The following KMT2C variants were observed in gnomAD, a reference collection of about 807,000 sequenced individuals.
KMT2C encodes histone-lysine N-methyltransferase 2C.
In KMT2C, 88 loss-of-function variants were observed where a neutral mutation model predicts 507.9. The ratio of observed to expected loss-of-function variants is 0.17; its 90% confidence interval spans 0.15 to 0.21. KMT2C has a LOEUF of 0.21. KMT2C is among the 10% of genes least tolerant of loss of function. The pLI is 1.00. For missense variants in KMT2C, 4,954 were observed against 5,957.8 expected (o/e 0.83, Z 5.55); for synonymous variants, 2,049 against 2,080.8 (o/e 0.98, Z 0.42).
At chr7:152,243,969 A>T (rs2095428551) in intron 14 of KMT2C, among the ~76,000 whole-genome samples, 1 of 152,232 alleles carries the variant, frequency 6.6e-6, no homozygotes, top group Non-Finnish European at 1.5e-5. Flanking sequence ...TGATACATAC[A>T]GGGTAAATAA....
At chr7:152,356,154 C>G (rs1000878076) in intron 2 of KMT2C, among the ~76,000 whole-genome samples, 2 of 152,136 alleles carry the variant, frequency 1.3e-5, no homozygotes, top group African/African-American at 4.8e-5. Context: ...TATGGAACTT[C>G]TTTTCTAATT....
chr7:152,413,199 C>T (rs2078659), intron 1 of KMT2C, among the ~76,000 whole-genome samples: 1 of 152,136 alleles, frequency 6.6e-6, no homozygotes. Flanking sequence ...ACTGCAGCCT[C>T]GACCTCCTGG....
chr7:152,252,765 A>G, intron 9 of KMT2C, 50 bp from the exon 10 acceptor site: 1 of 1,356,068 alleles, frequency 7.4e-7, no homozygotes, highest in Non-Finnish European at 1.0e-6. Flanking sequence ...TGCATTTGTA[A>G]TTGTAGTTCT....
At chr7:152,434,839 G>A (rs562023614) in intron 1 of KMT2C, among the ~76,000 whole-genome samples, 1 of 152,286 alleles carries the variant, frequency 6.6e-6, no homozygotes, top group Admixed American at 6.5e-5. Context: ...TTACAGCTAA[G>A]ACTTACGAGG....
intron 6 of KMT2C, among the ~76,000 whole-genome samples, chr7:152,299,379 T>A (rs2129192073): frequency 6.7e-6 from 1 of 149,816 alleles, no homozygotes; most frequent in Non-Finnish European, 1.5e-5. Context: ...GAAGACCAGG[T>A]GCAATGGCTC....
intron 16 of KMT2C, among the ~76,000 whole-genome samples, chr7:152,234,897 GA>G (rs1241881041): frequency 9.9e-5 from 15 of 151,566 alleles, no homozygotes; most frequent in Admixed American, 1.3e-4. Flanking sequence ...AAAAAAAGAA[GA>G]AAAAAAAGTG....
intron 24 of KMT2C, among the ~76,000 whole-genome samples, chr7:152,206,612 T>C (rs2094315508): frequency 6.6e-6 from 1 of 152,112 alleles, no homozygotes; most frequent in Admixed American, 6.5e-5. Flanking sequence ...AACAAGATAT[T>C]AATAAACTGC....
chr7:152,174,812 T>C (rs1301587848), intron 38 of KMT2C, among the ~76,000 whole-genome samples: 1 of 152,206 alleles, frequency 6.6e-6, no homozygotes, highest in East Asian at 1.9e-4. Flanking sequence ...CTAATTCTTA[T>C]TCTTAGAGGC....
At chr7:152,265,255 A>T (rs1563647111) in intron 7 of KMT2C, 46 bp from the exon 8 acceptor site, 1 of 1,603,576 alleles carries the variant, frequency 6.2e-7, no homozygotes, top group African/African-American at 1.3e-5. Context: ...AAGAATTTAA[A>T]TTTTTTCTGA....
In KMT2C at chr7:152,217,743, T is replaced by C. The variant is rs187149603; in HGVS notation, c.3712+2780A>G. ...AATGAGAAAATATGAAATTGAAACA[T>C]ATCACCATTTCTCAGTTTACAAGTG... On this transcript the variant is annotated intron_variant, in intron 23 of 58. Coordinates refer to ENST00000262189, the MANE Select transcript of KMT2C (RefSeq NM_170606.3). Among the ~76,000 whole-genome samples, 19 of 147,682 alleles carry C rather than the reference T, an allele frequency of 1.3e-4. No individual in the cohort carries two copies. The East Asian group carries it at 3.8e-3, about 29-fold the overall frequency.
chr7:152,212,099 A>G (rs1453055885), intron 23 of KMT2C, among the ~76,000 whole-genome samples: 1 of 152,100 alleles, frequency 6.6e-6, no homozygotes, highest in Non-Finnish European at 1.5e-5. Context: ...AGAAAGAAAG[A>G]CAGACAGAAA....
intron 1 of KMT2C, among the ~76,000 whole-genome samples, chr7:152,427,682 C>A (rs532916795): frequency 6.6e-6 from 1 of 152,240 alleles, no homozygotes; most frequent in South Asian, 2.1e-4. Flanking sequence ...TAACTGGTCC[C>A]CTATCTCCTA....
chr7:152,401,422 G>A (rs1268726017), intron 1 of KMT2C, among the ~76,000 whole-genome samples: 1 of 151,652 alleles, frequency 6.6e-6, no homozygotes, highest in Non-Finnish European at 1.5e-5. Flanking sequence ...CAGGTGCAGT[G>A]GCTCACACCT....
chr7:152,400,994 G>C (rs969282740), intron 1 of KMT2C, among the ~76,000 whole-genome samples: 3 of 151,680 alleles, frequency 2.0e-5, no homozygotes, highest in African/African-American at 4.8e-5. Context: ...TGCAGTTACA[G>C]ATTCAAAAAC....
chr7:152,295,289 CTCT>C (rs919066888), intron 6 of KMT2C, among the ~76,000 whole-genome samples: 7 of 152,178 alleles, frequency 4.6e-5, no homozygotes, highest in African/African-American at 1.7e-4. Context: ...TTTAATACTG[CTCT>C]TCTTATTTAA....
intron 22 of KMT2C, among the ~76,000 whole-genome samples, chr7:152,221,566 C>T (rs1379708385): frequency 6.6e-6 from 1 of 152,054 alleles, no homozygotes; most frequent in Non-Finnish European, 1.5e-5. Flanking sequence ...GTATCAGGTG[C>T]TATTAAATAC....
intron 23 of KMT2C, among the ~76,000 whole-genome samples, chr7:152,218,857 G>A (rs2094670068): frequency 6.6e-6 from 1 of 152,112 alleles, no homozygotes; most frequent in Non-Finnish European, 1.5e-5. Flanking sequence ...CTCACTGTCT[G>A]GGATGCTCTT....
intron 40 of KMT2C, 139 bp from the exon 41 acceptor site, chr7:152,169,388 T>C: frequency 8.1e-6 from 5 of 616,398 alleles, no homozygotes; most frequent in South Asian, 4.1e-5. Context: ...AAGGTTTTTT[T>C]ATAAAAAGTA....
chr7:152,198,044 CTAGTTATGA>C (rs2094015614), intron 27 of KMT2C, among the ~76,000 whole-genome samples: 2 of 152,002 alleles, frequency 1.3e-5, no homozygotes, highest in African/African-American at 4.8e-5. Context: ...TTCAAAGTGG[CTAGTTATGA>C]GAGTTATAAG....
Sources: gnomAD v4.1 joint callset for allele counts (sites outside exome capture counted in the v4.1 genomes callset) on GRCh38, gnomAD v4.1.1 for gene constraint, MANE v1.5 for transcripts, NCBI Gene and HGNC (gene_info 2026-07-23, HGNC 2026-07-21) for gene names.